SBF1: variants seen among roughly 807,000 people sequenced by gnomAD.
SBF1 encodes SET binding factor 1.
Under a neutral mutation model 215.8 loss-of-function variants are expected in SBF1, and 65 were observed. That is an observed-to-expected ratio of 0.30 (90% confidence interval 0.25 to 0.37). The LOEUF (loss-of-function observed/expected upper bound fraction) is 0.37, where lower values mean the gene tolerates loss of function less well. Ranked by LOEUF, SBF1 falls within the 10% of genes least tolerant of loss-of-function variation. SBF1 has a pLI of 1.00. For synonymous variants in SBF1, 1,410 were observed against 1,122.8 expected (o/e 1.26, Z -5.11); for missense variants, 2,634 against 2,667.8 (o/e 0.99, Z 0.28).
At position 50,447,252 on chromosome 22, in the gene SBF1, C is replaced by CGG; in HGVS notation, c.5584-14_5584-13dup. ...CGCGTTGTCTTCACCTGGGGAAGGG[C>CGG]GGGTTACTGACTCCGCAGCCCCCAC... On this transcript the variant is annotated splice_polypyrimidine_tract_variant and intron_variant, in intron 40 of 40. Coordinates refer to ENST00000380817, the MANE Select transcript of SBF1 (RefSeq NM_002972.4). 1 of 1,613,718 alleles carries CGG rather than the reference C, an allele frequency of 6.2e-7. No homozygotes were observed. Among genetic ancestry groups the CGG allele is most frequent in the Non-Finnish European group, 8.5e-7 (1 of 1,179,730 alleles).
At position 50,468,413 on chromosome 22, in the gene SBF1, T is replaced by A; in HGVS notation, c.104A>T (p.Asp35Val). The A allele has an allele frequency of 6.2e-7, 1 of 1,612,860 alleles. No individual in the cohort carries two copies. The highest frequency in any genetic ancestry group is 1.1e-5 in the South Asian group (1 of 90,976). ...GQILQRFPEK[D>V]WEDNPFPQGI... The stretch of plus-strand genomic sequence containing the variant: ...CTGGGGGAATGGGTTGTCCTCCCAG[T>A]CCTTCTCTGGGAAGCGCTGCAGAAT... Residue 35 changes from aspartate to valine, a missense_variant, in exon 2 of 41, where the codon GAC becomes GTC. Physicochemically the swap from Asp to Val is radical, Grantham distance 152 (BLOSUM62 -3). Transcript: ENST00000380817.
intron 30 of SBF1, 36 bp from the exon 31 acceptor site, chr22:50,456,431 GAGGCCCC>G (rs1569510685): frequency 6.2e-7 from 1 of 1,600,968 alleles, no homozygotes; most frequent in South Asian, 1.1e-5. Context: ...TGAGACACAT[GAGGCCCC>G]AAGCCCCCTG....
rs748630023 is a variant in SBF1, at chr22:50,463,359, T to C, written c.1823A>G (p.His608Arg). Residue 608 changes from histidine (H) to arginine (R), a missense_variant, in exon 16 of 41, where the codon CAT (histidine) becomes CGT (arginine). Coordinates refer to ENST00000380817, the MANE Select transcript of SBF1 (RefSeq NM_002972.4). ...CAGGACCGCACGGTTCTGCTGCACA[T>C]GCAGGTGCAGCTCCTGGGCGAGGCA... ...RRCLAQELHL[H>R]VQQNRAVLDH... is the part of the protein sequence containing the mutation. The C allele has an allele frequency of 6.2e-7, 1 of 1,610,352 alleles. No individual in the cohort carries two copies. The highest frequency in any genetic ancestry group is 2.2e-5 in the East Asian group (1 of 44,792).
rs1444726020 is a variant in SBF1 at position 50,460,697 on chromosome 22, A to C, written c.2983T>G (p.Phe995Val). ...SCTFQLLKMA[F>V]DEEVGSDSAE... is the part of the protein sequence containing the mutation. ...CTGTCAGACCCCACCTCCTCGTCAA[A>C]GGCCATTTTCAGCAGCTGTGTCAGT... The change falls in exon 24 of 41, where the codon TTT (phenylalanine) becomes GTT (valine). Residue 995 changes from phenylalanine to valine, a missense_variant. Transcript: ENST00000380817. The C allele has an allele frequency of 1.2e-6, 2 of 1,613,166 alleles. No individual in the cohort carries two copies. The highest frequency in any genetic ancestry group is 8.5e-7 in the Non-Finnish European group (1 of 1,179,880).
chr22:50,447,282 C>G (rs1292257004), intron 40 of SBF1, 40 bp downstream of exon 40: 1 of 1,613,296 alleles, frequency 6.2e-7, no homozygotes, highest in Non-Finnish European at 8.5e-7. Context: ...CCCCACACCG[C>G]AGAGCCCCTC....
intron 28 of SBF1, 46 bp from the exon 29 acceptor site, chr22:50,457,157 G>A: frequency 7.1e-7 from 1 of 1,405,232 alleles, no homozygotes; most frequent in Non-Finnish European, 9.3e-7. Flanking sequence ...CCCAGGCCTG[G>A]GCGTGCCCAG....
chr22:50,461,687 C>A lies in SBF1; in HGVS notation c.2675G>T (p.Gly892Val). Residue 892 changes from glycine to valine, a missense_variant, in exon 22 of 41, where the codon GGT becomes GTT. Gly to Val is a moderately radical substitution (Grantham distance 109, BLOSUM62 -3). Transcript: ENST00000380817. The stretch of plus-strand genomic sequence containing the variant: ...CAGGCCGTCCAGCACACACTCCTCA[C>A]CCGGCAGCAGGCGCGGCCGCAGCAG... ...PKLLRPRLLPGEECVLDGLRV... is the reference protein window; with the variant it reads ...PKLLRPRLLPVEECVLDGLRV... The A allele has an allele frequency of 1.2e-6, 2 of 1,609,860 alleles. No homozygotes were observed. The highest frequency in any genetic ancestry group is 1.7e-6 in the Non-Finnish European group (2 of 1,179,142).
Position 50,467,456 on chromosome 22 carries a change from G to A in SBF1, c.439-8C>T, listed in dbSNP as rs1456708501. Reference sequence around the variant, plus strand: ...GATGAGGCCAAGGCTGTTCTGCAATGACCAGAGCGGGGAGTGGTGGGACAG... The same window carrying A: ...GATGAGGCCAAGGCTGTTCTGCAATAACCAGAGCGGGGAGTGGTGGGACAG... On this transcript the variant is annotated splice_polypyrimidine_tract_variant and splice_region_variant and intron_variant, in intron 4 of 40. Transcript: ENST00000380817. 1.9e-6 allele frequency: 3 copies of A among 1,614,128 alleles called. No individual in the cohort carries two copies. In the African/African-American group the frequency reaches 4.0e-5, roughly 22 times the overall value.
chr22:50,468,224 G>A lies in SBF1; in HGVS notation c.141+152C>T, dbSNP rs369927357. On this transcript the variant is annotated intron_variant, in intron 2 of 40. Coordinates refer to ENST00000380817, the MANE Select transcript of SBF1 (RefSeq NM_002972.4). ...CACCGCACAGGCCGCCGGCCAAGCC[G>A]GTCAAACCCCCCGACAGAGGCTCTG... is the stretch of plus-strand genomic sequence containing the variant. The A allele has an allele frequency of 5.1e-5, 38 of 750,146 alleles. 1 individual carries two copies. Among genetic ancestry groups the A allele is most frequent in the Middle Eastern group, 3.9e-4 (1 of 2,582 alleles). 46.5% of individuals were successfully genotyped at this position (750,146 alleles called of 1,614,324 possible).
chr22:50,467,745 T>G, intron 3 of SBF1, 41 bp downstream of exon 3: 1 of 1,612,258 alleles, frequency 6.2e-7, no homozygotes, highest in Non-Finnish European at 8.5e-7. Context: ...GGCCCAAGGA[T>G]GCAGCTTCAT....
chr22:50,471,602 C>T (rs1470553735), intron 1 of SBF1, among the ~76,000 whole-genome samples: 1 of 152,172 alleles, frequency 6.6e-6, no homozygotes, highest in Non-Finnish European at 1.5e-5. Flanking sequence ...ACGCCACCCA[C>T]CCAACCCCAA....
rs746728480 is a variant in SBF1, at chr22:50,465,200, C to G, written c.1203+15G>C. On this transcript the variant is annotated intron_variant, in intron 11 of 40. Coordinates refer to ENST00000380817, the MANE Select transcript of SBF1 (RefSeq NM_002972.4). Reference sequence around the variant, plus strand: ...GCTTATCTCCTACCCCACGCCCAGCCACCAGGCACCCCACCTTATGGAAGC... The same window carrying G: ...GCTTATCTCCTACCCCACGCCCAGCGACCAGGCACCCCACCTTATGGAAGC... The G allele has an allele frequency of 1.9e-5, 30 of 1,612,634 alleles. No homozygotes were observed. The Admixed American group carries it at 5.0e-4, about 27-fold the overall frequency.
rs781729362 is a variant in SBF1 at position 50,465,976 on chromosome 22, G to A, written c.996C>T (p.His332=). ...TGCCCCTCACCATGCTCAGCACACT[G>A]TGCGTCTGACTCTGCAGTGGCTCTG... ...PLPEPLQSQT[H]SVLSMVLDPE... is the part of the protein sequence containing the mutation. The change falls in exon 9 of 41, where the codon CAC becomes CAT. Residue 332 remains histidine, a synonymous_variant. Coordinates refer to ENST00000380817, the MANE Select transcript of SBF1 (RefSeq NM_002972.4). 5.0e-6 allele frequency: 8 copies of A among 1,613,818 alleles called. No homozygotes were observed. The highest frequency in any genetic ancestry group is 1.3e-5 in the African/African-American group (1 of 74,940).
chr22:50,462,806 A>G (rs1415919063), intron 17 of SBF1, 64 bp downstream of exon 17: 3 of 1,605,560 alleles, frequency 1.9e-6, no homozygotes, highest in Non-Finnish European at 2.6e-6. Context: ...GGGGGCTGGG[A>G]AGGAGACCTC....
chr22:50,464,962 G>C (rs1191488965), intron 12 of SBF1, 39 bp downstream of exon 12: 2 of 1,613,848 alleles, frequency 1.2e-6, no homozygotes, highest in East Asian at 2.2e-5. Context: ...GTCAGGCGGA[G>C]CCAGGGCAGG....
In SBF1 at chr22:50,475,006, C is replaced by T. The variant is rs1022790557; in HGVS notation, c.-166G>A. The T allele has an allele frequency of 3.5e-5, 8 of 225,502 alleles. No homozygotes were observed. Among genetic ancestry groups the T allele is most frequent in the Non-Finnish European group, 1.5e-5 (2 of 129,442 alleles). 14.0% of individuals were successfully genotyped at this position (225,502 alleles called of 1,614,324 possible). A position where few individuals can be genotyped will look rare whatever the true frequency, so the allele number is the denominator to read the frequency against. Reference sequence around the variant, plus strand: ...GCGGCGGCGGCGGCCCAGGTTCCCGCCGCCATCTTCCCAGCCAGCCGGCCC... The same window carrying T: ...GCGGCGGCGGCGGCCCAGGTTCCCGTCGCCATCTTCCCAGCCAGCCGGCCC... On this transcript the variant is annotated 5_prime_UTR_variant, in exon 1 of 41. Coordinates refer to ENST00000380817, the MANE Select transcript of SBF1 (RefSeq NM_002972.4).
intron 30 of SBF1, 44 bp downstream of exon 30, chr22:50,456,448 G>A (rs1480215573): frequency 6.4e-7 from 1 of 1,554,546 alleles, no homozygotes; most frequent in Admixed American, 1.8e-5. Flanking sequence ...CAAGCCCCCT[G>A]CCGAGCCCCC....
intron 20 of SBF1, 30 bp from the exon 21 acceptor site, chr22:50,461,899 C>A (rs1246443312): frequency 6.2e-7 from 1 of 1,613,990 alleles, no homozygotes; most frequent in East Asian, 2.2e-5. Context: ...ACACTTTGTG[C>A]CCAGCCCCAC....
intron 17 of SBF1, 66 bp from the exon 18 acceptor site, chr22:50,462,783 G>C (rs186891000): frequency 6.2e-7 from 1 of 1,607,600 alleles, no homozygotes; most frequent in Admixed American, 1.7e-5. Context: ...AGGAGACCTC[G>C]GCCACCAGGA....
Sources: allele counts gnomAD v4.1 joint callset (sites outside exome capture counted in the v4.1 genomes callset), GRCh38; gene constraint gnomAD v4.1.1; transcripts MANE v1.5; gene names NCBI Gene and HGNC (gene_info 2026-07-23, HGNC 2026-07-21).